IL12RB2: variants seen among roughly 807,000 people sequenced by gnomAD.
IL12RB2 encodes the protein interleukin-12 receptor subunit beta-2.
In IL12RB2, 82 loss-of-function variants were observed where a neutral mutation model predicts 89.4. The ratio of observed to expected loss-of-function variants is 0.92; its 90% CI spans 0.77 to 1.10. IL12RB2 has a LOEUF of 1.10. Among genes scored for constraint, IL12RB2 ranks in the 50% least tolerant of loss-of-function variants. IL12RB2 has a pLI of 0.00. For synonymous variants in IL12RB2, 368 were observed against 370.1 expected (o/e 0.99, Z 0.07); for missense variants, 963 against 1,031.9 (o/e 0.93, Z 0.92).
At chr1:67,367,462 GGGAAGGAA>G (rs55681603) in intron 10 of IL12RB2, among the ~76,000 whole-genome samples, 3 of 127,412 alleles carry the variant, frequency 2.4e-5, no homozygotes, top group African/African-American at 3.0e-5. Context: ...AAAGGAACGA[GGGAAGGAA>G]GGAAGGAAGG....
intron 6 of IL12RB2, 81 bp from the exon 7 acceptor site, chr1:67,329,506 C>G: frequency 1.2e-6 from 1 of 868,856 alleles, no homozygotes; most frequent in South Asian, 1.3e-5. Flanking sequence ...TTGTCAAACT[C>G]TTTATAGCTC....
In IL12RB2 at chr1:67,311,330, C is replaced by T. The variant is rs1018719492; in HGVS notation, c.-124-2583C>T. Among the ~76,000 whole-genome samples the T allele has an allele frequency of 5.3e-5, 8 of 152,186 alleles. No individual in the cohort carries two copies. The East Asian group carries it at 5.8e-4, about 11-fold the overall frequency. ...AAGCCTGTTCCTGCAGAATTTAAACCGATAGAAGAGGGAAAGCAGTTAGAC... is the reference window on the plus strand; with the variant it reads ...AAGCCTGTTCCTGCAGAATTTAAACTGATAGAAGAGGGAAAGCAGTTAGAC... On this transcript the variant is annotated intron_variant, in intron 1 of 16. Transcript: ENST00000674203.
intron 4 of IL12RB2, among the ~76,000 whole-genome samples, chr1:67,324,321 C>T (rs1656994998): frequency 6.6e-6 from 1 of 152,188 alleles, no homozygotes; most frequent in Non-Finnish European, 1.5e-5. Flanking sequence ...CTCCTGGGCT[C>T]AAGCAATTCT....
chr1:67,348,521 A>G (rs537171668), intron 9 of IL12RB2, among the ~76,000 whole-genome samples: 2 of 152,240 alleles, frequency 1.3e-5, no homozygotes, highest in East Asian at 3.9e-4. Context: ...CCCACTTATA[A>G]AATGAATCAT....
intron 2 of IL12RB2, among the ~76,000 whole-genome samples, chr1:67,314,898 T>A (rs1007181467): frequency 2.8e-5 from 4 of 143,684 alleles, no homozygotes; most frequent in African/African-American, 7.9e-5. Flanking sequence ...ACTTGAGTGA[T>A]GAGTCAATGA....
intron 11 of IL12RB2, among the ~76,000 whole-genome samples, 188 bp from the exon 12 acceptor site, chr1:67,372,248 C>A (rs1470837720): frequency 2.0e-5 from 3 of 152,136 alleles, no homozygotes; most frequent in Non-Finnish European, 1.5e-5. Context: ...CAGAAGCCAA[C>A]GTCATGGCAA....
intron 2 of IL12RB2, among the ~76,000 whole-genome samples, chr1:67,318,573 T>A (rs151311525): frequency 1.3e-5 from 2 of 152,218 alleles, no homozygotes; most frequent in Non-Finnish European, 1.5e-5. Flanking sequence ...ATGGTTTAGC[T>A]GTAGGAGATG....
chr1:67,341,583 GA>G (rs769849807), intron 9 of IL12RB2, among the ~76,000 whole-genome samples: 1 of 143,846 alleles, frequency 7.0e-6, no homozygotes, highest in African/African-American at 2.6e-5. Context: ...AAGAAAGAAA[GA>G]AAAGAAAGGA....
At chr1:67,310,533 G>T (rs956504763) in intron 1 of IL12RB2, among the ~76,000 whole-genome samples, 2 of 152,174 alleles carry the variant, frequency 1.3e-5, no homozygotes, top group African/African-American at 4.8e-5. Flanking sequence ...AGATGAATGG[G>T]CAAAGAGAGG....
At chr1:67,328,704 C>T (rs1657659698) in intron 6 of IL12RB2, among the ~76,000 whole-genome samples, 1 of 152,186 alleles carries the variant, frequency 6.6e-6, no homozygotes, top group Admixed American at 6.5e-5. Flanking sequence ...ATTCAAGATG[C>T]TCAGTGCAAG....
At chr1:67,325,429 T>C (rs562043315) in intron 4 of IL12RB2, among the ~76,000 whole-genome samples, 9 of 152,284 alleles carry the variant, frequency 5.9e-5, no homozygotes, top group Admixed American at 5.2e-4. Context: ...ACCCAGCTAA[T>C]TTTTGTATTT....
intron 1 of IL12RB2, among the ~76,000 whole-genome samples, chr1:67,308,466 T>A (rs1654577252): frequency 6.6e-6 from 1 of 152,168 alleles, no homozygotes; most frequent in Non-Finnish European, 1.5e-5. Context: ...TAACCTTGTC[T>A]CAGCAGTCTT....
chr1:67,338,753 G>C (rs758934202), intron 9 of IL12RB2, 50 bp downstream of exon 9: 1 of 870,510 alleles, frequency 1.1e-6, no homozygotes, highest in Non-Finnish European at 2.0e-6. Flanking sequence ...ACTGAAGGCA[G>C]AAAAAGACCT....
rs776798545 is a variant in IL12RB2, at chr1:67,326,759, T to C, written c.389T>C (p.Leu130Ser). 2.8e-5 allele frequency: 45 copies of C among 1,613,560 alleles called. 1 individual carries two copies. The South Asian group carries it at 4.7e-4, about 17-fold the overall frequency. Residue 130 changes from leucine to serine, a missense_variant, in exon 5 of 17, where the codon TTA becomes TCA. Coordinates refer to ENST00000674203, the MANE Select transcript of IL12RB2 (RefSeq NM_001374259.2). ...VGVAPEQPQN[L>S]SCIQKGEQGT... is the part of the protein sequence containing the mutation. ...GTTGCTCCAGAACAGCCTCAAAATT[T>C]ATCCTGCATACAGAAGGGAGAACAG...
At chr1:67,388,193 G>A (rs1665430472) in intron 15 of IL12RB2, among the ~76,000 whole-genome samples, 1 of 152,120 alleles carries the variant, frequency 6.6e-6, no homozygotes, top group Non-Finnish European at 1.5e-5. Flanking sequence ...TCTTTCCTTT[G>A]AGGTAGAGCT....
At chr1:67,321,966 A>G in intron 4 of IL12RB2, 77 bp downstream of exon 4, 1 of 1,226,862 alleles carries the variant, frequency 8.2e-7, no homozygotes, top group Non-Finnish European at 1.2e-6. Flanking sequence ...GGTGTTAAAC[A>G]GAAACCCAAA....
intron 10 of IL12RB2, among the ~76,000 whole-genome samples, chr1:67,359,715 A>AC (rs1661771794): frequency 6.6e-6 from 1 of 151,718 alleles, no homozygotes. Context: ...GAGCATCTCA[A>AC]AAAAAAAACA....
chr1:67,351,806 C>T (rs1270004400), intron 10 of IL12RB2, among the ~76,000 whole-genome samples: 1 of 152,082 alleles, frequency 6.6e-6, no homozygotes, highest in African/African-American at 2.4e-5. Flanking sequence ...ATAGTCATAT[C>T]CTCTGAAAAT....
chr1:67,341,547 G>A (rs1175760636), intron 9 of IL12RB2, among the ~76,000 whole-genome samples: 544 of 35,932 alleles, frequency 0.015, 11 homozygotes, highest in East Asian at 0.1. Flanking sequence ...AAGAAAGAAA[G>A]AAAGAAAGAA....
Sources: allele counts gnomAD v4.1 joint callset (sites outside exome capture counted in the v4.1 genomes callset), GRCh38; gene constraint gnomAD v4.1.1; transcripts MANE v1.5; gene names NCBI Gene and HGNC (gene_info 2026-07-23, HGNC 2026-07-21).